TPH1: variants seen among roughly 807,000 people sequenced by gnomAD.
The protein encoded by TPH1 is tryptophan hydroxylase 1, also known as tryptophan 5-hydroxylase 1.
A neutral mutation model predicts 49.5 loss-of-function variants in TPH1; 37 were observed. That is an observed-to-expected ratio of 0.75 (90% CI 0.58 to 0.98). The LOEUF is 0.98. Among genes scored for constraint, TPH1 ranks in the 50% least tolerant of loss-of-function variants. The pLI is 0.00. For missense variants in TPH1, 487 were observed against 523.6 expected (o/e 0.93, Z 0.68); for synonymous variants, 160 against 182.1 (o/e 0.88, Z 0.98).
At chr11:18,036,298 T>G (rs1848047929) in intron 2 of TPH1, among the ~76,000 whole-genome samples, 156 bp from the exon 3 acceptor site, 1 of 152,124 alleles carries the variant, frequency 6.6e-6, no homozygotes, top group Admixed American at 6.5e-5. Flanking sequence ...ACAAAATAAT[T>G]CCTTCTTAAA....
chr11:18,045,509 C>T (rs1848132932), intron 1 of TPH1, among the ~76,000 whole-genome samples: 1 of 148,512 alleles, frequency 6.7e-6, no homozygotes, highest in South Asian at 2.3e-4. Context: ...CAGGCACAAA[C>T]TTTTCCTGGG....
In TPH1 at chr11:18,018,665, CAAAAAAAAAAAAAAAAAAAAAAAAAA is replaced by C. The variant is rs57390279; in HGVS notation, c.*2300_*2325del. ...TGGGCGACAGAGCAAGACTCCGTCT[CAAAAAAAAAAAAAAAAAAAAAAAAAA>C]AAAAAAAAAAAAAAAAATTCCATTG... On this transcript the variant is annotated 3_prime_UTR_variant, in exon 11 of 11. Transcript: ENST00000682019. 6.5e-4 allele frequency: 24 copies of C among 37,040 alleles called. No homozygotes were observed. The highest frequency in any genetic ancestry group is 5.5e-3 in the East Asian group (5 of 902). The allele number at this position is 37,040 out of a possible 1,614,324, so 2.3% of individuals were successfully genotyped here. A position where few individuals can be genotyped will look rare whatever the true frequency, so the allele number is the denominator to read the frequency against.
At chr11:18,021,936 C>T (rs1007566725) in intron 10 of TPH1, among the ~76,000 whole-genome samples, 3 of 152,120 alleles carry the variant, frequency 2.0e-5, no homozygotes, top group African/African-American at 7.2e-5. Flanking sequence ...ACAGAGGGGA[C>T]CCCCTTTTCT....
Position 18,029,341 on chromosome 11 carries a change from A to G in TPH1, c.491T>C (p.Val164Ala), listed in dbSNP as rs1345113366. The G allele has an allele frequency of 6.8e-6, 11 of 1,613,908 alleles. No individual in the cohort carries two copies. Among genetic ancestry groups the G allele is most frequent in the African/African-American group, 5.3e-5 (4 of 74,912 alleles). The change falls in exon 6 of 11, where the codon GTT becomes GCT. Residue 164 changes from valine (V) to alanine (A), a missense_variant. Physicochemically the swap from Val to Ala is moderately conservative, Grantham distance 64. Coordinates refer to ENST00000682019, the MANE Select transcript of TPH1 (RefSeq NM_004179.3). Reference protein sequence around the residue: ...NYKHGDPIPKVEFTEEEIKTW... With the variant: ...NYKHGDPIPKAEFTEEEIKTW... ...CTTAATCTCCTCTTCAGTGAATTCAACCTTTGGAATGGGGTCTCCACTAAT... is the reference window on the plus strand; with the variant it reads ...CTTAATCTCCTCTTCAGTGAATTCAGCCTTTGGAATGGGGTCTCCACTAAT...
chr11:18,019,046 T>A lies in TPH1; in HGVS notation c.*1945A>T, dbSNP rs1265247336. On this transcript the variant is annotated 3_prime_UTR_variant, in exon 11 of 11. Transcript: ENST00000682019. ...ATCAGATAATCAATATTTCAAATGATTCTAGATTAGCTAGCATCTATTTAC... is the reference window on the plus strand; with the variant it reads ...ATCAGATAATCAATATTTCAAATGAATCTAGATTAGCTAGCATCTATTTAC... 6.6e-6 allele frequency: 1 copy of A among 152,226 alleles called. No homozygotes were observed. The highest frequency in any genetic ancestry group is 2.4e-5 in the African/African-American group (1 of 41,466). The allele number at this position is 152,226 out of a possible 1,614,324, so 9.4% of individuals were successfully genotyped here.
At chr11:18,029,411 G>C in intron 5 of TPH1, 50 bp from the exon 6 acceptor site, 1 of 1,568,420 alleles carries the variant, frequency 6.4e-7, no homozygotes, top group Non-Finnish European at 8.8e-7. Context: ...TTAATAAATA[G>C]TGGCACTTAT....
intron 1 of TPH1, among the ~76,000 whole-genome samples, chr11:18,042,194 T>C (rs1848104153): frequency 6.6e-6 from 1 of 152,090 alleles, no homozygotes. Flanking sequence ...AAGCAGGAGA[T>C]CTTAAGAGAT....
chr11:18,022,360 A>T (rs950557992), intron 10 of TPH1, among the ~76,000 whole-genome samples: 6 of 152,190 alleles, frequency 3.9e-5, no homozygotes, highest in Admixed American at 3.3e-4. Flanking sequence ...AAAACTTAAT[A>T]TATCTAAATA....
intron 9 of TPH1, 103 bp from the exon 10 acceptor site, chr11:18,023,034 G>T: frequency 8.0e-7 from 1 of 1,252,666 alleles, no homozygotes; most frequent in Non-Finnish European, 1.1e-6. Flanking sequence ...TAATGCAATG[G>T]CCCCAATCTA....
At chr11:18,036,224 A>G (rs1848047427) in intron 2 of TPH1, 82 bp from the exon 3 acceptor site, 1 of 1,066,834 alleles carries the variant, frequency 9.4e-7, no homozygotes, top group Non-Finnish European at 1.4e-6. Flanking sequence ...AATTACCACT[A>G]AAAATCAGAT....
At chr11:18,033,738 T>C (rs189390533) in intron 3 of TPH1, among the ~76,000 whole-genome samples, 21 of 152,340 alleles carry the variant, frequency 1.4e-4, no homozygotes, top group African/African-American at 5.1e-4. Flanking sequence ...ACAAACTTAA[T>C]AAAAACTTCA....
Position 18,036,142 on chromosome 11 carries a change from C to G in TPH1, c.118G>C (p.Glu40Gln). Residue 40 changes from glutamate to glutamine, a missense_variant and splice_region_variant, in exon 3 of 11, where the codon GAG becomes CAG. Coordinates refer to ENST00000682019, the MANE Select transcript of TPH1 (RefSeq NM_004179.3). ...GLIKALKIFQ[E>Q]KHVNLLHIES... ...ATATGTAACAGATTCACATGCTTCT[C>G]CTGTGTAAAGCACAGGGAAAAGATT... 3.1e-6 allele frequency: 5 copies of G among 1,612,040 alleles called. No individual in the cohort carries two copies. Among genetic ancestry groups the G allele is most frequent in the Non-Finnish European group, 4.2e-6 (5 of 1,179,088 alleles).
intron 4 of TPH1, among the ~76,000 whole-genome samples, chr11:18,032,702 C>T (rs199967585): frequency 1.7e-4 from 26 of 151,586 alleles, no homozygotes; most frequent in East Asian, 1.2e-3. Context: ...CCCGCCACCA[C>T]GCCCGGCTAA....
Position 18,018,271 on chromosome 11 carries a change from T to C in TPH1, c.*2720A>G, listed in dbSNP as rs1033494828. The C allele has an allele frequency of 3.3e-5, 5 of 152,084 alleles. No homozygotes were observed. Among genetic ancestry groups the C allele is most frequent in the African/African-American group, 1.2e-4 (5 of 41,406 alleles). 9.4% of individuals were successfully genotyped at this position (152,084 alleles called of 1,614,324 possible). On this transcript the variant is annotated 3_prime_UTR_variant, in exon 11 of 11. Transcript: ENST00000682019. ...CATATTCCTAGGTGCTTTGAAGACA[T>C]ATATTTAAAATGCATGAAAATTCTA... is the stretch of plus-strand genomic sequence containing the variant.
Position 18,029,536 on chromosome 11 carries a change from G to T in TPH1, c.446C>A (p.Ala149Glu). 6.2e-7 allele frequency: 1 copy of T among 1,612,560 alleles called. No homozygotes were observed. The highest frequency in any genetic ancestry group is 8.5e-7 in the Non-Finnish European group (1 of 1,179,182). ...NVYRKRRKYFADLAMNYKHGD... is the reference protein window; with the variant it reads ...NVYRKRRKYFEDLAMNYKHGD... ...CTGTTTATAGTTCATAGCCAAGTCC[G>T]CAAAATACTTTCGACGTTTACGGTA... is the stretch of plus-strand genomic sequence containing the variant. Residue 149 changes from alanine (A) to glutamate (E), a missense_variant, in exon 5 of 11, where the codon GCG becomes GAG. Physicochemically the swap from Ala to Glu is moderately radical, Grantham distance 107 (BLOSUM62 -1). Coordinates refer to ENST00000682019, the MANE Select transcript of TPH1 (RefSeq NM_004179.3).
intron 6 of TPH1, among the ~76,000 whole-genome samples, chr11:18,028,429 T>C (rs865801057): frequency 1.3e-5 from 2 of 152,338 alleles, no homozygotes; most frequent in South Asian, 4.1e-4. Flanking sequence ...AATCACTCTT[T>C]AACAAGATAT....
rs187247681 is a variant in TPH1, at chr11:18,018,956, A to G, written c.*2035T>C. 3 of 151,806 alleles carry G rather than the reference A, an allele frequency of 2.0e-5. No individual in the cohort carries two copies. The highest frequency in any genetic ancestry group is 7.2e-5 in the African/African-American group (3 of 41,422). The allele number at this position is 151,806 out of a possible 1,614,324, so 9.4% of individuals were successfully genotyped here. A position where few individuals can be genotyped will look rare whatever the true frequency, so the allele number is the denominator to read the frequency against. Reference sequence around the variant, plus strand: ...CTTTTTTTAATTTCTTTTTTTCTACATGTTCTAAGATTTGCTATCTATTAT... The same window carrying G: ...CTTTTTTTAATTTCTTTTTTTCTACGTGTTCTAAGATTTGCTATCTATTAT... On this transcript the variant is annotated 3_prime_UTR_variant, in exon 11 of 11. Transcript: ENST00000682019.
chr11:18,023,993 A>T lies in TPH1; in HGVS notation c.931-10T>A. 6.3e-7 allele frequency: 1 copy of T among 1,588,040 alleles called. No individual in the cohort carries two copies. The highest frequency in any genetic ancestry group is 1.7e-4 in the Middle Eastern group (1 of 6,010). ...CAGTGAAAAAGTAGCACTGCAAAAGAACATCAATATTATTCTCACACACTG... is the reference window on the plus strand; with the variant it reads ...CAGTGAAAAAGTAGCACTGCAAAAGTACATCAATATTATTCTCACACACTG... On this transcript the variant is annotated splice_polypyrimidine_tract_variant and intron_variant, in intron 8 of 10. Coordinates refer to ENST00000682019, the MANE Select transcript of TPH1 (RefSeq NM_004179.3).
intron 1 of TPH1, chr11:18,042,575 A>G (rs1222866228): frequency 3.7e-6 from 1 of 269,444 alleles, no homozygotes; most frequent in Non-Finnish European, 7.3e-6. Context: ...AGGATAATTA[A>G]CACCACTCTC....
Sources: allele counts gnomAD v4.1 joint callset (sites outside exome capture counted in the v4.1 genomes callset), GRCh38; gene constraint gnomAD v4.1.1; transcripts MANE v1.5; gene names NCBI Gene and HGNC (gene_info 2026-07-23, HGNC 2026-07-21).